Variants in KCNQ5 observed in about 807,000 individuals in gnomAD.
KCNQ5 encodes potassium voltage-gated channel subfamily KQT member 5.
KCNQ5 carries 30 observed loss-of-function variants against 98.2 expected under a neutral mutation model. The observed-to-expected ratio is 0.31, with a 90% confidence interval of 0.23 to 0.41. The LOEUF (loss-of-function observed/expected upper bound fraction) is 0.41. Among genes scored for constraint, KCNQ5 ranks in the 10% least tolerant of loss-of-function variants. The probability of loss-of-function intolerance (pLI) is 1.00; values close to 1 mark genes in which losing one functional copy is unlikely to be tolerated. For missense variants in KCNQ5, 835 were observed against 1,182.5 expected (o/e 0.71, Z 4.31); for synonymous variants, 458 against 449.4 (o/e 1.02, Z -0.24).
intron 10 of KCNQ5, among the ~76,000 whole-genome samples, chr6:73,144,483 C>G (rs992680419): frequency 2.0e-5 from 3 of 152,130 alleles, no homozygotes; most frequent in Non-Finnish European, 4.4e-5. Context: ...ATTGTTATAC[C>G]ACATCGTTCT....
Position 72,689,809 on chromosome 6 carries a change from A to G in KCNQ5, c.398+67222A>G, listed in dbSNP as rs1420712623. On this transcript the variant is annotated intron_variant, in intron 1 of 13. Coordinates refer to ENST00000370398, the MANE Select transcript of KCNQ5 (RefSeq NM_019842.4). ...TTTTTTTTTTTTTCAACCTCAGTGC[A>G]ACAGGAAAGTGAAAAACAAAACAAA... Among the ~76,000 whole-genome samples, 6 of 151,790 alleles carry G rather than the reference A, an allele frequency of 4.0e-5. No individual in the cohort carries two copies. In the East Asian group the frequency reaches 1.2e-3, roughly 29 times the overall value.
At chr6:72,834,845 G>A (rs1776433346) in intron 1 of KCNQ5, among the ~76,000 whole-genome samples, 1 of 152,016 alleles carries the variant, frequency 6.6e-6, no homozygotes, top group African/African-American at 2.4e-5. Flanking sequence ...TAGAAAAACA[G>A]CCAGGAATGA....
intron 1 of KCNQ5, among the ~76,000 whole-genome samples, chr6:72,761,606 ATTAT>A (rs1356886945): frequency 6.6e-6 from 1 of 151,794 alleles, no homozygotes; most frequent in East Asian, 1.9e-4. Context: ...CATTTTTATA[ATTAT>A]TCTATAATTA....
intron 1 of KCNQ5, among the ~76,000 whole-genome samples, chr6:72,861,328 CAA>C (rs397699332): frequency 5.3e-4 from 80 of 151,122 alleles, no homozygotes; most frequent in African/African-American, 1.9e-3. Context: ...TATTTAAACA[CAA>C]ACAAATTCCT....
At chr6:72,905,825 C>T (rs1369722842) in intron 1 of KCNQ5, among the ~76,000 whole-genome samples, 1 of 152,130 alleles carries the variant, frequency 6.6e-6, no homozygotes, top group South Asian at 2.1e-4. Flanking sequence ...GGACTCTATG[C>T]TCGTTCTTAA....
At chr6:73,051,149 A>G (rs1772215460) in intron 3 of KCNQ5, among the ~76,000 whole-genome samples, 1 of 152,208 alleles carries the variant, frequency 6.6e-6, no homozygotes, top group Non-Finnish European at 1.5e-5. Context: ...AAATATAGAA[A>G]TGCCAATGCA....
intron 1 of KCNQ5, among the ~76,000 whole-genome samples, chr6:72,929,843 A>T (rs1765611355): frequency 6.6e-6 from 1 of 152,184 alleles, no homozygotes; most frequent in African/African-American, 2.4e-5. Flanking sequence ...CCCATTAGGT[A>T]GATATTTGTT....
At chr6:72,950,011 A>C (rs1163227245) in intron 1 of KCNQ5, among the ~76,000 whole-genome samples, 1 of 152,154 alleles carries the variant, frequency 6.6e-6, no homozygotes, top group East Asian at 1.9e-4. Flanking sequence ...ACCCTTTTCA[A>C]ATTTCCAAAA....
chr6:73,016,718 A>G (rs1405373939), intron 2 of KCNQ5, among the ~76,000 whole-genome samples: 2 of 152,124 alleles, frequency 1.3e-5, no homozygotes, highest in Non-Finnish European at 2.9e-5. Context: ...CTAGAACAAT[A>G]TAGAGAACTT....
chr6:72,812,309 C>T (rs1361203055), intron 1 of KCNQ5, among the ~76,000 whole-genome samples: 1 of 152,158 alleles, frequency 6.6e-6, no homozygotes, highest in Non-Finnish European at 1.5e-5. Context: ...ATCTTATCCT[C>T]ATTTTATGCA....
At chr6:72,951,062 C>T (rs1766779284) in intron 1 of KCNQ5, among the ~76,000 whole-genome samples, 2 of 152,004 alleles carry the variant, frequency 1.3e-5, no homozygotes, top group South Asian at 2.1e-4. Context: ...TTTCCCAGAT[C>T]CCAAAAAAAT....
intron 1 of KCNQ5, among the ~76,000 whole-genome samples, chr6:72,693,192 A>G (rs1768300477): frequency 6.6e-6 from 1 of 152,164 alleles, no homozygotes; most frequent in South Asian, 2.1e-4. Context: ...ACAAGCAGGA[A>G]GAAGGAAGGA....
At chr6:73,146,004 T>C (rs1776907582) in intron 10 of KCNQ5, among the ~76,000 whole-genome samples, 1 of 152,104 alleles carries the variant, frequency 6.6e-6, no homozygotes, top group South Asian at 2.1e-4. Flanking sequence ...CCATGATCCA[T>C]TCACCTCCCA....
At chr6:72,757,916 CAG>C (rs1189723494) in intron 1 of KCNQ5, among the ~76,000 whole-genome samples, 35 of 152,086 alleles carry the variant, frequency 2.3e-4, no homozygotes, top group African/African-American at 7.7e-4. Flanking sequence ...GTATTTGAGT[CAG>C]AGTGATGTGA....
intron 3 of KCNQ5, among the ~76,000 whole-genome samples, chr6:73,044,101 G>A (rs1771845157): frequency 6.6e-6 from 1 of 152,020 alleles, no homozygotes; most frequent in Admixed American, 6.6e-5. Context: ...GCCTGGGATG[G>A]AAAGACCTGT....
intron 1 of KCNQ5, among the ~76,000 whole-genome samples, chr6:72,928,158 G>A (rs1175266639): frequency 2.0e-4 from 31 of 151,988 alleles, no homozygotes; most frequent in Admixed American, 2.0e-3. Flanking sequence ...TCTTTAACAT[G>A]GGGCAGGTCC....
rs78667020 is a variant in KCNQ5, at chr6:73,134,028, T to C, written c.1468+387T>C. The C allele has an allele frequency of 1.5e-3, 695 of 473,940 alleles. 6 individuals carry two copies. Among genetic ancestry groups the C allele is most frequent in the African/African-American group, 0.013 (653 of 50,354 alleles). 29.4% of individuals were successfully genotyped at this position (473,940 alleles called of 1,614,324 possible). A position where few individuals can be genotyped will look rare whatever the true frequency, so the allele number is the denominator to read the frequency against. On this transcript the variant is annotated intron_variant, in intron 10 of 13. Coordinates refer to ENST00000370398, the MANE Select transcript of KCNQ5 (RefSeq NM_019842.4). ...CAACCAGGTGCTTGCTCTGTGAATA[T>C]CTTGAAACACAGTAAGGAGGATGAT...
intron 1 of KCNQ5, among the ~76,000 whole-genome samples, chr6:72,938,743 T>C (rs552785654): frequency 7.2e-4 from 109 of 152,110 alleles, no homozygotes; most frequent in Non-Finnish European, 1.3e-3. Flanking sequence ...CAAGAAAGCT[T>C]TTTTAAAAAA....
At chr6:73,080,978 A>AC in intron 5 of KCNQ5, among the ~76,000 whole-genome samples, 4 of 152,228 alleles carry the variant, frequency 2.6e-5, no homozygotes, top group Non-Finnish European at 5.9e-5. Flanking sequence ...TACCTAGTTC[A>AC]TTGAGTAAGT....
Sources: allele counts gnomAD v4.1 joint callset (sites outside exome capture counted in the v4.1 genomes callset), GRCh38; gene constraint gnomAD v4.1.1; transcripts MANE v1.5; gene names NCBI Gene and HGNC (gene_info 2026-07-23, HGNC 2026-07-21).